CSGALNACT1: variants seen among roughly 807,000 people sequenced by gnomAD.
CSGALNACT1 encodes the protein beta4GalNAcT-1.
In CSGALNACT1, 52 loss-of-function variants were observed where a neutral mutation model predicts 51.0. That is an observed-to-expected ratio of 1.02 (90% CI 0.82 to 1.29). The LOEUF (loss-of-function observed/expected upper bound fraction) is 1.29. CSGALNACT1 is among the 50% of genes most tolerant of loss of function. The pLI is 0.00. For synonymous variants in CSGALNACT1, 341 were observed against 254.4 expected (o/e 1.34, Z -3.24); for missense variants, 935 against 679.2 (o/e 1.38, Z -4.19).
chr8:19,552,164 G>A (rs575531059), intron 3 of CSGALNACT1, among the ~76,000 whole-genome samples: 5 of 151,940 alleles, frequency 3.3e-5, no homozygotes, highest in Non-Finnish European at 2.9e-5. Context: ...ACCATGAAAA[G>A]AAGACTAATG....
intron 3 of CSGALNACT1, among the ~76,000 whole-genome samples, chr8:19,540,421 T>C (rs1195668202): frequency 2.0e-5 from 3 of 152,228 alleles, no homozygotes; most frequent in Non-Finnish European, 4.4e-5. Flanking sequence ...ATCGGCTCAC[T>C]GTGTGGATAC....
intron 4 of CSGALNACT1, among the ~76,000 whole-genome samples, chr8:19,500,224 A>C (rs2076182835): frequency 6.6e-6 from 1 of 151,998 alleles, no homozygotes; most frequent in East Asian, 1.9e-4. Flanking sequence ...CGGTTCTGCC[A>C]CCCTTGCTTC....
chr8:19,424,750 G>A (rs1167718658), intron 6 of CSGALNACT1, among the ~76,000 whole-genome samples: 1 of 152,208 alleles, frequency 6.6e-6, no homozygotes, highest in Non-Finnish European at 1.5e-5. Flanking sequence ...ACAGTGGATT[G>A]AAAGGCAGCA....
At chr8:19,607,479 A>T (rs1283622709), upstream of CSGALNACT1, among the ~76,000 whole-genome samples, 1 of 152,222 alleles carries the variant, frequency 6.6e-6, no homozygotes, top group African/African-American at 2.4e-5. Context: ...CCTCCGTAAA[A>T]GAGCTATTTT....
intron 3 of CSGALNACT1, among the ~76,000 whole-genome samples, chr8:19,545,010 T>C (rs892979425): frequency 3.9e-4 from 60 of 152,046 alleles, no homozygotes; most frequent in African/African-American, 1.4e-3. Flanking sequence ...GACATTTTTT[T>C]TTTTTCCAAT....
chr8:19,655,194 T>C (rs895527310), intron 1 of CSGALNACT1, among the ~76,000 whole-genome samples: 1 of 152,172 alleles, frequency 6.6e-6, no homozygotes, highest in Non-Finnish European at 1.5e-5. Context: ...GACTCCGTGA[T>C]GATAGGATGA....
chr8:19,490,860 G>C (rs751728525), intron 4 of CSGALNACT1, among the ~76,000 whole-genome samples: 2 of 152,154 alleles, frequency 1.3e-5, no homozygotes, highest in Non-Finnish European at 2.9e-5. Flanking sequence ...TTCTCCAGGT[G>C]ATTCCCAGGC....
intron 3 of CSGALNACT1, among the ~76,000 whole-genome samples, chr8:19,530,249 A>AAACAT (rs2082487895): frequency 6.6e-6 from 1 of 151,216 alleles, no homozygotes; most frequent in African/African-American, 2.4e-5. Context: ...AAACAAAACA[A>AAACAT]AACAAAAAAA....
At chr8:19,712,946 T>A (rs10107755) in intron 1 of CSGALNACT1, among the ~76,000 whole-genome samples, 2,776 of 152,262 alleles carry the variant, frequency 0.018, 92 homozygotes, top group African/African-American at 0.064. Flanking sequence ...TAAAACATCA[T>A]TGTAAGGAAG....
intron 5 of CSGALNACT1, among the ~76,000 whole-genome samples, chr8:19,454,288 G>T (rs369352005): frequency 6.6e-6 from 1 of 152,228 alleles, no homozygotes; most frequent in African/African-American, 2.4e-5. Context: ...GAGGACTGCT[G>T]ATGAATACAT....
intron 1 of CSGALNACT1, among the ~76,000 whole-genome samples, chr8:19,713,437 C>A (rs1428305068): frequency 6.6e-6 from 1 of 152,066 alleles, no homozygotes; most frequent in Non-Finnish European, 1.5e-5. Context: ...TGTGTCCCCA[C>A]TAAAAAAGAT....
At chr8:19,451,276 T>C (rs1363820671) in intron 5 of CSGALNACT1, among the ~76,000 whole-genome samples, 1 of 152,184 alleles carries the variant, frequency 6.6e-6, no homozygotes, top group East Asian at 1.9e-4. Flanking sequence ...TGGGATGTCC[T>C]GAAACCTAGT....
chr8:19,535,978 A>G (rs1041629927), intron 3 of CSGALNACT1, among the ~76,000 whole-genome samples: 7 of 152,158 alleles, frequency 4.6e-5, no homozygotes, highest in Non-Finnish European at 1.0e-4. Flanking sequence ...GTTCTAGCCA[A>G]TGCAAGTGAA....
chr8:19,697,085 G>A (rs937310954), intron 1 of CSGALNACT1, among the ~76,000 whole-genome samples: 2 of 152,148 alleles, frequency 1.3e-5, no homozygotes, highest in Admixed American at 6.5e-5. Context: ...AACGGGAAGT[G>A]TGAGTTTCAA....
chr8:19,537,558 C>G (rs1456633104), intron 3 of CSGALNACT1, among the ~76,000 whole-genome samples: 2 of 152,186 alleles, frequency 1.3e-5, no homozygotes, highest in African/African-American at 4.8e-5. Context: ...AAAGTGTCTG[C>G]TTTTGGCTTC....
chr8:19,408,451 C>T (rs2054807174), intron 9 of CSGALNACT1, among the ~76,000 whole-genome samples, 162 bp downstream of exon 8: 1 of 148,904 alleles, frequency 6.7e-6, no homozygotes, highest in Non-Finnish European at 1.5e-5. Flanking sequence ...TGAGCCACCG[C>T]ACCTAGTCTG....
chr8:19,475,558 AAC>A (rs751618818), intron 4 of CSGALNACT1, among the ~76,000 whole-genome samples: 16 of 152,170 alleles, frequency 1.1e-4, no homozygotes, highest in Non-Finnish European at 2.4e-4. Context: ...CAACCTTGGA[AAC>A]ACAGACACAA....
Position 19,578,228 on chromosome 8 carries a change from T to C in CSGALNACT1, c.-297+12932A>G, listed in dbSNP as rs146250769. 3.1e-4 allele frequency among the ~76,000 whole-genome samples: 47 copies of C among 152,314 alleles called. No individual in the cohort carries two copies. In the East Asian group the frequency reaches 8.9e-3, roughly 29 times the overall value. ...CATTTGCATTTAAAATAAATATTTATCACCATTTCTAGCATTATCACTCTC... is the reference window on the plus strand; with the variant it reads ...CATTTGCATTTAAAATAAATATTTACCACCATTTCTAGCATTATCACTCTC... On this transcript the variant is annotated intron_variant, in intron 3 of 9. Coordinates refer to ENST00000454498, the Ensembl canonical transcript of CSGALNACT1.
chr8:19,714,212 C>A (rs1249152937), intron 1 of CSGALNACT1, among the ~76,000 whole-genome samples: 2 of 152,232 alleles, frequency 1.3e-5, no homozygotes, highest in African/African-American at 4.8e-5. Context: ...TGTAACCTAA[C>A]TCCAGCCCTC....
Sources: allele counts gnomAD v4.1 joint callset (sites outside exome capture counted in the v4.1 genomes callset), GRCh38; gene constraint gnomAD v4.1.1; transcripts MANE v1.5; gene names NCBI Gene and HGNC (gene_info 2026-07-23, HGNC 2026-07-21).